Variants in TMPRSS7 observed in about 807,000 individuals in gnomAD.
The protein encoded by TMPRSS7 is transmembrane protease serine 7.
In TMPRSS7, 81 loss-of-function variants were observed where a neutral mutation model predicts 95.6. The ratio of observed to expected loss-of-function variants is 0.85; its 90% CI spans 0.71 to 1.02. TMPRSS7 has a LOEUF of 1.02. Ranked by LOEUF, TMPRSS7 falls within the 50% of genes least tolerant of loss-of-function variation. TMPRSS7 has a pLI of 0.00. For synonymous variants in TMPRSS7, 364 were observed against 337.8 expected (o/e 1.08, Z -0.85); for missense variants, 945 against 955.2 (o/e 0.99, Z 0.14).
chr3:112,035,487 CGT>C (rs1553761865), intron 1 of TMPRSS7, among the ~76,000 whole-genome samples: 465 of 151,986 alleles, frequency 3.1e-3, no homozygotes, highest in Non-Finnish European at 5.7e-3. Flanking sequence ...TACGTGGCCA[CGT>C]ATTATCCCAT....
At chr3:112,055,990 G>C (rs563033143) in intron 9 of TMPRSS7, among the ~76,000 whole-genome samples, 1 of 152,046 alleles carries the variant, frequency 6.6e-6, no homozygotes, top group Non-Finnish European at 1.5e-5. Flanking sequence ...CCAGGAGTTC[G>C]AGACCAGCCT....
intron 9 of TMPRSS7, among the ~76,000 whole-genome samples, chr3:112,052,654 G>A (rs1014377422): frequency 9.9e-5 from 15 of 152,092 alleles, no homozygotes; most frequent in African/African-American, 2.7e-4. Context: ...AAGGAAGAGG[G>A]AAAGGAAACA....
intron 5 of TMPRSS7, 67 bp downstream of exon 5, chr3:112,046,010 A>G: frequency 1.5e-6 from 2 of 1,330,884 alleles, no homozygotes; most frequent in Admixed American, 4.7e-5. Context: ...CCATGATTAT[A>G]GTCAACATTG....
intron 2 of TMPRSS7, among the ~76,000 whole-genome samples, chr3:112,038,812 A>G (rs2073177365): frequency 6.6e-6 from 1 of 151,700 alleles, no homozygotes; most frequent in African/African-American, 2.4e-5. Context: ...GACATAAGCC[A>G]GAATTCTCTT....
chr3:112,059,750 C>T (rs2073476563), intron 10 of TMPRSS7, among the ~76,000 whole-genome samples: 1 of 152,206 alleles, frequency 6.6e-6, no homozygotes, highest in Non-Finnish European at 1.5e-5. Context: ...AGTTCCTGTA[C>T]TTCAGCCAAT....
chr3:112,074,426 C>T lies in TMPRSS7; in HGVS notation c.1783+14C>T. 1 of 1,577,006 alleles carries T rather than the reference C, an allele frequency of 6.3e-7. No homozygotes were observed. The highest frequency in any genetic ancestry group is 8.7e-7 in the Non-Finnish European group (1 of 1,148,242). On this transcript the variant is annotated intron_variant, in intron 14 of 17. Coordinates refer to ENST00000452346, the Ensembl canonical transcript of TMPRSS7. The stretch of plus-strand genomic sequence containing the variant: ...AAGAAGGCTGCAGTAAGTAGAAATT[C>T]ATTCCTTTGGGTTCCTGTATTCCCT...
chr3:112,077,509 C>A (rs2073726282), intron 16 of TMPRSS7, among the ~76,000 whole-genome samples: 1 of 152,134 alleles, frequency 6.6e-6, no homozygotes, highest in South Asian at 2.1e-4. Context: ...GAGAGAAGGA[C>A]ACACATGCAC....
At chr3:112,049,227 A>T (rs1268074599) in intron 7 of TMPRSS7, among the ~76,000 whole-genome samples, 1 of 152,190 alleles carries the variant, frequency 6.6e-6, no homozygotes, top group Admixed American at 6.5e-5. Context: ...CACAAGGAGT[A>T]CTTAAAACCC....
At chr3:112,057,156 T>A in intron 10 of TMPRSS7, 25 bp downstream of exon 10, 2 of 1,518,890 alleles carry the variant, frequency 1.3e-6, no homozygotes, top group Non-Finnish European at 1.8e-6. Context: ...TATGTTTTCA[T>A]ATGTGAGGCA....
At chr3:112,041,214 A>G (rs1332916144) in intron 2 of TMPRSS7, among the ~76,000 whole-genome samples, 1 of 152,128 alleles carries the variant, frequency 6.6e-6, no homozygotes, top group Non-Finnish European at 1.5e-5. Flanking sequence ...GAAAAAACAA[A>G]TCAAGGACAG....
At chr3:112,069,122 T>C (rs918921380) in intron 13 of TMPRSS7, among the ~76,000 whole-genome samples, 2 of 152,202 alleles carry the variant, frequency 1.3e-5, no homozygotes, top group African/African-American at 4.8e-5. Context: ...TGATGGATTA[T>C]GTTTAGTGAT....
At position 112,072,711 on chromosome 3, in the gene TMPRSS7, G is replaced by T. The variant is rs931154528; in HGVS notation, c.1667-1585G>T. ...CCTCCCTCAGCCAGGCTGCCGCCTG[G>T]CAGTTGGATCTCAGACTGCTGCGCT... is the stretch of plus-strand genomic sequence containing the variant. On this transcript the variant is annotated intron_variant, in intron 13 of 17. Transcript: ENST00000452346. Among the ~76,000 whole-genome samples the T allele has an allele frequency of 5.9e-5, 9 of 152,244 alleles. No individual in the cohort carries two copies. In the South Asian group the frequency reaches 1.9e-3, roughly 31 times the overall value.
rs372686745 is a variant in TMPRSS7 at position 112,076,860 on chromosome 3, A to C, written c.1956-16A>C. ...CTTTAAGCTGCTAACTTTATGTTTCATTACTGTTCTATCAGGCTGTCAGAT... is the reference window on the plus strand; with the variant it reads ...CTTTAAGCTGCTAACTTTATGTTTCCTTACTGTTCTATCAGGCTGTCAGAT... On this transcript the variant is annotated splice_polypyrimidine_tract_variant and intron_variant, in intron 15 of 17. Transcript: ENST00000452346. The C allele has an allele frequency of 8.1e-6, 13 of 1,610,198 alleles. No homozygotes were observed. The highest frequency in any genetic ancestry group is 8.5e-6 in the Non-Finnish European group (10 of 1,177,984).
At chr3:112,055,745 A>G (rs1484327807) in intron 9 of TMPRSS7, among the ~76,000 whole-genome samples, 1 of 152,226 alleles carries the variant, frequency 6.6e-6, no homozygotes, top group Non-Finnish European at 1.5e-5. Context: ...AAATCAGGGC[A>G]ACGATACCCC....
chr3:112,071,744 C>T lies in TMPRSS7; in HGVS notation c.1667-2552C>T, dbSNP rs568897803. 7.2e-5 allele frequency among the ~76,000 whole-genome samples: 11 copies of T among 152,348 alleles called. No individual in the cohort carries two copies. In the East Asian group the frequency reaches 2.1e-3, roughly 29 times the overall value. ...TTCTTCCACTTGATGGAATCAGCTA[C>T]TGAAGCTTGTGCATGTGTCACGTAG... is the stretch of plus-strand genomic sequence containing the variant. On this transcript the variant is annotated intron_variant, in intron 13 of 17. Coordinates refer to ENST00000452346, the Ensembl canonical transcript of TMPRSS7.
rs986122063 is a variant in TMPRSS7, at chr3:112,047,925, T to C, written c.917T>C (p.Ile306Thr). The change falls in exon 7 of 18, where the codon ATT (isoleucine) becomes ACT (threonine). Residue 306 changes from isoleucine to threonine, a missense_variant. Coordinates refer to ENST00000452346, the Ensembl canonical transcript of TMPRSS7. ...AACTGTGTCACTGACTCCCTGACCATTTACGACTCCCTTTTGCCCATCCGG... is the reference window on the plus strand; with the variant it reads ...AACTGTGTCACTGACTCCCTGACCACTTACGACTCCCTTTTGCCCATCCGG... The C allele has an allele frequency of 2.5e-6, 4 of 1,613,976 alleles. No homozygotes were observed. The African/African-American group carries it at 4.0e-5, about 16-fold the overall frequency.
intron 5 of TMPRSS7, 109 bp from the exon 6 acceptor site, chr3:112,046,865 T>G: frequency 1.5e-6 from 1 of 676,554 alleles, no homozygotes; most frequent in Non-Finnish European, 2.7e-6. Context: ...AAATCCCAGA[T>G]GTGTTTGATT....
chr3:112,047,494 G>A (rs1308073054), intron 6 of TMPRSS7: 3 of 631,028 alleles, frequency 4.8e-6, no homozygotes, highest in Non-Finnish European at 5.9e-6. Context: ...GCCAGCCTGG[G>A]TTATGTGCCC....
chr3:112,067,844 A>G lies in TMPRSS7; in HGVS notation c.1666+1342A>G, dbSNP rs571450062. Among the ~76,000 whole-genome samples, 3 of 152,164 alleles carry G rather than the reference A, an allele frequency of 2.0e-5. No individual in the cohort carries two copies. In the South Asian group the frequency reaches 6.2e-4, roughly 32 times the overall value. On this transcript the variant is annotated intron_variant, in intron 13 of 17. Transcript: ENST00000452346. Reference sequence around the variant, plus strand: ...AAGCTCTTTAGTTTAATTGGATCCCATTTGTCTATTTTGGCTTTTGTTGAC... The same window carrying G: ...AAGCTCTTTAGTTTAATTGGATCCCGTTTGTCTATTTTGGCTTTTGTTGAC...
Sources: allele counts gnomAD v4.1 joint callset (sites outside exome capture counted in the v4.1 genomes callset), GRCh38; gene constraint gnomAD v4.1.1; transcripts MANE v1.5; gene names NCBI Gene and HGNC (gene_info 2026-07-23, HGNC 2026-07-21).